JAKMIP3: variants seen among roughly 807,000 people sequenced by gnomAD.
JAKMIP3 encodes the protein Janus kinase and microtubule interacting protein 3, also known as janus kinase and microtubule-interacting protein 3.
A neutral mutation model predicts 118.5 loss-of-function variants in JAKMIP3; 58 were observed. The ratio of observed to expected loss-of-function variants is 0.49; its 90% CI spans 0.40 to 0.61. The LOEUF (loss-of-function observed/expected upper bound fraction) is 0.61, where lower values mean the gene tolerates loss of function less well. Ranked by LOEUF, JAKMIP3 falls within the 20% of genes least tolerant of loss-of-function variation. JAKMIP3 has a pLI of 0.00. For missense variants in JAKMIP3, 950 were observed against 1,109.0 expected (o/e 0.86, Z 2.04); for synonymous variants, 486 against 451.2 (o/e 1.08, Z -0.98).
Position 132,117,362 on chromosome 10 carries a change from G to GAGGAGGCCAAGA in JAKMIP3, c.425_436dup (p.Glu142_Lys145dup), listed in dbSNP as rs781090131. Reference sequence around the variant, plus strand: ...GACCGTGCTGCTGTCCGAGGCCAAGGAGGAGGCCAAGAAGGGGTTCGAGGT... The same window carrying GAGGAGGCCAAGA: ...GACCGTGCTGCTGTCCGAGGCCAAGGAGGAGGCCAAGAAGGAGGCCAAGAAGGGGTTCGAGGT... On this transcript the variant is annotated inframe_insertion, in exon 3 of 24. Coordinates refer to ENST00000684848, the MANE Select transcript of JAKMIP3 (RefSeq NM_001323087.2). This position sits in a 1 kb window ranked among gnomAD's most constrained non-coding sequence, Gnocchi z 8.6. 31 of 1,613,914 alleles carry GAGGAGGCCAAGA rather than the reference G, an allele frequency of 1.9e-5. No individual in the cohort carries two copies. Among genetic ancestry groups the GAGGAGGCCAAGA allele is most frequent in the African/African-American group, 5.3e-5 (4 of 74,938 alleles).
intron 21 of JAKMIP3, among the ~76,000 whole-genome samples, chr10:132,166,477 G>C (rs997861942): frequency 1.3e-5 from 2 of 152,328 alleles, no homozygotes; most frequent in African/African-American, 4.8e-5. Flanking sequence ...CGCTTTGTCT[G>C]CTCAGGGTGC....
rs2061699579 is a variant in JAKMIP3 at position 132,184,501 on chromosome 10, T to G, written c.*3248T>G. 1 of 152,224 alleles carries G rather than the reference T, an allele frequency of 6.6e-6. No homozygotes were observed. The highest frequency in any genetic ancestry group is 2.4e-5 in the African/African-American group (1 of 41,456). 9.4% of individuals were successfully genotyped at this position (152,224 alleles called of 1,614,324 possible). Reference sequence around the variant, plus strand: ...TGAATATAGGTATCAAATCATATATTTGTTTACTGTATATTTTTTAAAAAG... The same window carrying G: ...TGAATATAGGTATCAAATCATATATGTGTTTACTGTATATTTTTTAAAAAG... On this transcript the variant is annotated 3_prime_UTR_variant, in exon 24 of 24. Transcript: ENST00000684848.
intron 1 of JAKMIP3, among the ~76,000 whole-genome samples, chr10:132,069,272 G>A (rs990244839): frequency 6.6e-6 from 1 of 152,132 alleles, no homozygotes; most frequent in African/African-American, 2.4e-5. Flanking sequence ...GCCAGGGGAG[G>A]GGTCTGGAGG....
Position 132,145,524 on chromosome 10 carries a change from A to G in JAKMIP3, c.1693A>G (p.Lys565Glu). 6.4e-7 allele frequency: 1 copy of G among 1,559,364 alleles called. No homozygotes were observed. Among genetic ancestry groups the G allele is most frequent in the Non-Finnish European group, 8.7e-7 (1 of 1,151,394 alleles). ...TTTCAATTCCATTTGCAAGGATATG[A>G]AGTGGATTGAAGAGAAGCAGGCACT... ...KALAEQGQDMKWIEEKQALYR... is the reference protein window; with the variant it reads ...KALAEQGQDMEWIEEKQALYR... Residue 565 changes from lysine to glutamate, a missense_variant, in exon 13 of 24, where the codon AAG becomes GAG. By Grantham distance (56) the Lys-to-Glu change is moderately conservative (BLOSUM62 1). Transcript: ENST00000684848.
chr10:132,165,222 C>A (rs937005603), intron 21 of JAKMIP3, among the ~76,000 whole-genome samples: 1 of 152,206 alleles, frequency 6.6e-6, no homozygotes, highest in African/African-American at 2.4e-5. Context: ...CTGGCTCTTT[C>A]TCGGGGTCCC....
In JAKMIP3 at chr10:132,117,597, GC is replaced by G; in HGVS notation, c.633+24del. Reference sequence around the variant, plus strand: ...CTGGTACGTGGGCAGGCAGGGGCGGGCGTGGGCGAGGGTGCAGGGGCGGGCG... The same window carrying G: ...CTGGTACGTGGGCAGGCAGGGGCGGGGTGGGCGAGGGTGCAGGGGCGGGCG... On this transcript the variant is annotated intron_variant, in intron 3 of 23. Coordinates refer to ENST00000684848, the MANE Select transcript of JAKMIP3 (RefSeq NM_001323087.2). The surrounding 1 kb of genome is among the most constrained non-coding windows in gnomAD (Gnocchi z 8.6). 2.2e-6 allele frequency: 2 copies of G among 897,468 alleles called. No homozygotes were observed. Among genetic ancestry groups the G allele is most frequent in the Admixed American group, 3.4e-5 (1 of 29,230 alleles). 55.6% of individuals were successfully genotyped at this position (897,468 alleles called of 1,614,324 possible).
At chr10:132,127,222 T>C (rs1043975064) in intron 3 of JAKMIP3, among the ~76,000 whole-genome samples, 2 of 145,734 alleles carry the variant, frequency 1.4e-5, no homozygotes, top group African/African-American at 5.3e-5. Flanking sequence ...CATTAGACTT[T>C]TCTTTTTTTT....
intron 1 of JAKMIP3, among the ~76,000 whole-genome samples, chr10:132,042,670 A>G (rs76719509): frequency 0.014 from 2,129 of 152,254 alleles, 51 homozygotes; most frequent in African/African-American, 0.048. Flanking sequence ...GCCAGGCCAT[A>G]GCATCCTGGA....
Position 132,168,579 on chromosome 10 carries a change from A to T in JAKMIP3, c.*649A>T, listed in dbSNP as rs2059172733. 2.6e-6 allele frequency: 1 copy of T among 381,376 alleles called. No homozygotes were observed. The highest frequency in any genetic ancestry group is 4.9e-6 in the Non-Finnish European group (1 of 204,660). 23.6% of individuals were successfully genotyped at this position (381,376 alleles called of 1,614,324 possible). Reference sequence around the variant, plus strand: ...CTCGTTCATCATCATCTCTGTGGGGACAGACAAGAGCCGTGGCCGCCGCGG... The same window carrying T: ...CTCGTTCATCATCATCTCTGTGGGGTCAGACAAGAGCCGTGGCCGCCGCGG... On this transcript the variant is annotated 3_prime_UTR_variant, in exon 23 of 24. Coordinates refer to ENST00000684848, the MANE Select transcript of JAKMIP3 (RefSeq NM_001323087.2).
In JAKMIP3 at chr10:132,136,069, T is replaced by C. The variant is rs2051699125; in HGVS notation, c.1109T>C (p.Ile370Thr). The C allele has an allele frequency of 6.2e-7, 1 of 1,613,110 alleles. No homozygotes were observed. The highest frequency in any genetic ancestry group is 8.5e-7 in the Non-Finnish European group (1 of 1,179,718). The change falls in exon 6 of 24, where the codon ATA becomes ACA. Residue 370 changes from isoleucine (I) to threonine (T), a missense_variant. Transcript: ENST00000684848. Reference sequence around the variant, plus strand: ...TTAAAATTTGTCACCCAGGAGAACATAGAAATGGTGAGGGGGTGGGGGGCT... The same window carrying C: ...TTAAAATTTGTCACCCAGGAGAACACAGAAATGGTGAGGGGGTGGGGGGCT... ...NKLKFVTQEN[I>T]EMRQRAGIIR...
Position 132,117,475 on chromosome 10 carries a change from G to C in JAKMIP3, c.534G>C (p.Ala178=), listed in dbSNP as rs750781803. 14 of 1,613,568 alleles carry C rather than the reference G, an allele frequency of 8.7e-6. No homozygotes were observed. Among genetic ancestry groups the C allele is most frequent in the African/African-American group, 1.3e-5 (1 of 74,922 alleles). The change falls in exon 3 of 24, where the codon GCG becomes GCC. Residue 178 remains alanine, a synonymous_variant. Coordinates refer to ENST00000684848, the MANE Select transcript of JAKMIP3 (RefSeq NM_001323087.2). The surrounding 1 kb of genome is among the most constrained non-coding windows in gnomAD (Gnocchi z 8.6). ...VEEALTLVIQ[A]DKIKAAEIRS... is the part of the protein sequence containing the mutation. ...AGGCGCTGACGCTGGTGATCCAAGC[G>C]GACAAGATCAAGGCCGCAGAGATCC...
intron 19 of JAKMIP3, among the ~76,000 whole-genome samples, chr10:132,161,781 A>G (rs1183092134): frequency 1.3e-5 from 1 of 75,336 alleles, no homozygotes; most frequent in South Asian, 5.9e-4. Flanking sequence ...TCCCTGTGTG[A>G]TGCTGGGGGG....
intron 1 of JAKMIP3, among the ~76,000 whole-genome samples, chr10:132,040,631 C>T (rs1433072045): frequency 4.4e-5 from 5 of 114,212 alleles, no homozygotes; most frequent in African/African-American, 1.1e-4. Flanking sequence ...GAACCACTCC[C>T]GATGAGCTTT....
Position 132,182,985 on chromosome 10 carries a change from T to C in JAKMIP3, c.*1732T>C, listed in dbSNP as rs2061609654. Reference sequence around the variant, plus strand: ...TGTCATTCAAGCCACAGTTCCTGATTTACTCGGCAAGATACTGGGCCAGTT... The same window carrying C: ...TGTCATTCAAGCCACAGTTCCTGATCTACTCGGCAAGATACTGGGCCAGTT... On this transcript the variant is annotated 3_prime_UTR_variant, in exon 24 of 24. Transcript: ENST00000684848. The C allele has an allele frequency of 6.6e-6, 1 of 152,222 alleles. No homozygotes were observed. The highest frequency in any genetic ancestry group is 2.1e-4 in the South Asian group (1 of 4,824). The allele number at this position is 152,222 out of a possible 1,614,324, so 9.4% of individuals were successfully genotyped here. A position where few individuals can be genotyped will look rare whatever the true frequency, so the allele number is the denominator to read the frequency against.
At chr10:132,046,259 C>T (rs1055705988) in intron 1 of JAKMIP3, among the ~76,000 whole-genome samples, 1 of 152,122 alleles carries the variant, frequency 6.6e-6, no homozygotes, top group Non-Finnish European at 1.5e-5. Context: ...TCAAGACCAT[C>T]CTGGCTAACA....
At chr10:132,120,436 C>T (rs952451855) in intron 3 of JAKMIP3, among the ~76,000 whole-genome samples, 32 of 152,360 alleles carry the variant, frequency 2.1e-4, no homozygotes, top group Middle Eastern at 6.8e-3. Context: ...TTCCTCCACC[C>T]CTGACCACAG....
At chr10:132,167,823 C>T (rs1196134981) in intron 22 of JAKMIP3, 130 bp from the exon 23 acceptor site, 2 of 442,274 alleles carry the variant, frequency 4.5e-6, no homozygotes, top group African/African-American at 4.8e-5. Context: ...CACCCCTCGG[C>T]CCTCACCCCT....
chr10:132,104,273 C>T (rs539338817), intron 1 of JAKMIP3, among the ~76,000 whole-genome samples: 22 of 152,286 alleles, frequency 1.4e-4, no homozygotes, highest in African/African-American at 4.6e-4. Flanking sequence ...AGCCCGGTCA[C>T]GGGGTCCCTC....
chr10:132,058,027 T>A (rs1217067497), intron 1 of JAKMIP3, among the ~76,000 whole-genome samples: 1 of 152,170 alleles, frequency 6.6e-6, no homozygotes, highest in Non-Finnish European at 1.5e-5. Context: ...ACGACTCAAG[T>A]CCAAGTGCTG....
Sources: gnomAD v4.1 joint callset for allele counts (sites outside exome capture counted in the v4.1 genomes callset) on GRCh38, gnomAD v4.1.1 for gene constraint, Gnocchi (gnomAD v3.1) non-coding constraint, MANE v1.5 for transcripts, NCBI Gene and HGNC (gene_info 2026-07-23, HGNC 2026-07-21) for gene names.